DACH1: variants seen among roughly 807,000 people sequenced by gnomAD.
The protein encoded by DACH1 is dachshund family transcription factor 1, also known as dachshund homolog 1.
A neutral mutation model predicts 54.2 loss-of-function variants in DACH1; 12 were observed. The observed-to-expected ratio is 0.22, with a 90% CI of 0.14 to 0.36. The LOEUF (loss-of-function observed/expected upper bound fraction) is 0.36. Ranked by LOEUF, DACH1 falls within the 10% of genes least tolerant of loss-of-function variation. The pLI, the probability that DACH1 is intolerant of heterozygous loss-of-function variation, is 1.00. For missense variants in DACH1, 805 were observed against 929.8 expected (o/e 0.87, Z 1.75); for synonymous variants, 386 against 366.2 (o/e 1.05, Z -0.62).
intron 3 of DACH1, among the ~76,000 whole-genome samples, chr13:71,596,899 T>C (rs977174899): frequency 2.0e-5 from 3 of 152,162 alleles, no homozygotes; most frequent in Non-Finnish European, 2.9e-5. Flanking sequence ...GTTGAAGACT[T>C]GGAGGGGGCA....
At chr13:71,804,418 G>C (rs1887412184) in intron 1 of DACH1, among the ~76,000 whole-genome samples, 1 of 152,164 alleles carries the variant, frequency 6.6e-6, no homozygotes. Flanking sequence ...ACTGCGACCA[G>C]TGTGATTCTG....
intron 1 of DACH1, among the ~76,000 whole-genome samples, chr13:71,793,127 T>G (rs1314708474): frequency 3.9e-5 from 6 of 152,146 alleles, no homozygotes; most frequent in African/African-American, 1.4e-4. Context: ...AACAAAACAC[T>G]GGTTAACTTG....
At position 71,693,148 on chromosome 13, in the gene DACH1, G is replaced by A. The variant is rs148144202; in HGVS notation, c.849-11238C>T. ...GCAATAAGAAGGAAAAAACTACAGC[G>A]AGTGTGCATAAATCTTTATAAAATA... On this transcript the variant is annotated intron_variant, in intron 1 of 10. Transcript: ENST00000613252. Among the ~76,000 whole-genome samples the A allele has an allele frequency of 5.1e-3, 780 of 152,040 alleles. 9 individuals carry two copies. The highest frequency in any genetic ancestry group is 0.017 in the African/African-American group (692 of 41,462).
intron 1 of DACH1, among the ~76,000 whole-genome samples, chr13:71,807,362 C>T (rs766589652): frequency 6.8e-6 from 1 of 147,580 alleles, no homozygotes; most frequent in Admixed American, 6.9e-5. Context: ...CCAGTTCATT[C>T]GCACTTCCCT....
intron 6 of DACH1, among the ~76,000 whole-genome samples, chr13:71,555,351 T>C (rs924367939): frequency 1.4e-5 from 2 of 143,718 alleles, no homozygotes; most frequent in Non-Finnish European, 3.0e-5. Context: ...TTATCTTTTC[T>C]TTTTTTTTTT....
In DACH1 at chr13:71,785,977, T is replaced by A. The variant is rs573234997; in HGVS notation, c.848+79945A>T. 8.5e-5 allele frequency among the ~76,000 whole-genome samples: 13 copies of A among 152,130 alleles called. No individual in the cohort carries two copies. The East Asian group carries it at 2.5e-3, about 29-fold the overall frequency. On this transcript the variant is annotated intron_variant, in intron 1 of 10. Transcript: ENST00000613252. The stretch of plus-strand genomic sequence containing the variant: ...GAGCATACCTTTCAAGGGAGCACCA[T>A]GAGGGGCAGGCATTGGTGGACAACA...
intron 1 of DACH1, among the ~76,000 whole-genome samples, chr13:71,775,145 T>A (rs2138046568): frequency 7.2e-6 from 1 of 139,310 alleles, no homozygotes; most frequent in East Asian, 2.0e-4. Context: ...TTTTTTTTTT[T>A]TTTTTTTTTT....
rs185004832 is a variant in DACH1 at position 71,635,632 on chromosome 13, C to G, written c.965-4915G>C. On this transcript the variant is annotated intron_variant, in intron 2 of 10. Coordinates refer to ENST00000613252, the MANE Select transcript of DACH1 (RefSeq NM_080759.6). ...TGGTGTAAACACTGGCAACCCATAACATTTGCCACACCCTTTTCCTTCCTT... is the reference window on the plus strand; with the variant it reads ...TGGTGTAAACACTGGCAACCCATAAGATTTGCCACACCCTTTTCCTTCCTT... Among the ~76,000 whole-genome samples the G allele has an allele frequency of 5.3e-5, 8 of 152,200 alleles. No homozygotes were observed. In the East Asian group the frequency reaches 1.5e-3, roughly 29 times the overall value.
intron 3 of DACH1, among the ~76,000 whole-genome samples, chr13:71,579,296 A>G (rs542945798): frequency 6.6e-6 from 1 of 152,278 alleles, no homozygotes; most frequent in South Asian, 2.1e-4. Context: ...ATTGCCCTAT[A>G]TACTCCACAA....
At chr13:71,491,227 C>A (rs1229028500) in intron 6 of DACH1, among the ~76,000 whole-genome samples, 1 of 152,114 alleles carries the variant, frequency 6.6e-6, no homozygotes, top group Non-Finnish European at 1.5e-5. Flanking sequence ...AAAACACAAA[C>A]AGAAAGCCTC....
At chr13:71,786,885 G>T (rs1185861319) in intron 1 of DACH1, among the ~76,000 whole-genome samples, 1 of 152,022 alleles carries the variant, frequency 6.6e-6, no homozygotes, top group Non-Finnish European at 1.5e-5. Context: ...AAAAAAATCT[G>T]ATCCTTTTCT....
chr13:71,654,780 A>T (rs1032846369), intron 2 of DACH1, among the ~76,000 whole-genome samples: 1 of 152,218 alleles, frequency 6.6e-6, no homozygotes, highest in African/African-American at 2.4e-5. Context: ...TCTCAAATAC[A>T]TATACAGTGA....
intron 10 of DACH1, among the ~76,000 whole-genome samples, chr13:71,456,666 A>G (rs960033821): frequency 2.6e-5 from 4 of 152,096 alleles, no homozygotes; most frequent in African/African-American, 9.7e-5. Context: ...CTTAAAATCC[A>G]TGGTCATCTA....
intron 6 of DACH1, among the ~76,000 whole-genome samples, chr13:71,499,136 GACAC>G (rs3075798): frequency 1.3e-3 from 187 of 149,300 alleles, no homozygotes; most frequent in African/African-American, 4.1e-3. Flanking sequence ...CACACACGCA[GACAC>G]ACACACACAC....
intron 1 of DACH1, among the ~76,000 whole-genome samples, chr13:71,798,438 C>T (rs1887156013): frequency 6.7e-6 from 1 of 149,390 alleles, no homozygotes; most frequent in South Asian, 2.1e-4. Flanking sequence ...TTCATACACC[C>T]AAACAATATG....
At chr13:71,842,331 C>T (rs1872930478) in intron 1 of DACH1, among the ~76,000 whole-genome samples, 1 of 151,936 alleles carries the variant, frequency 6.6e-6, no homozygotes, top group African/African-American at 2.4e-5. Flanking sequence ...AATCCCAGCA[C>T]TGGGAAGCCA....
chr13:71,730,263 A>G (rs1485681642), intron 1 of DACH1, among the ~76,000 whole-genome samples: 2 of 152,270 alleles, frequency 1.3e-5, no homozygotes, highest in African/African-American at 4.8e-5. Context: ...AACAAGTTCT[A>G]AGAAAGGCAG....
At chr13:71,751,630 ATGAAAAT>A (rs897412932) in intron 1 of DACH1, among the ~76,000 whole-genome samples, 1 of 152,214 alleles carries the variant, frequency 6.6e-6, no homozygotes, top group Non-Finnish European at 1.5e-5. Flanking sequence ...ACTATCTAAA[ATGAAAAT>A]ACATTCTGAA....
intron 10 of DACH1, among the ~76,000 whole-genome samples, chr13:71,441,320 GA>G (rs1357959859): frequency 1.3e-5 from 2 of 151,908 alleles, no homozygotes; most frequent in African/African-American, 4.8e-5. Flanking sequence ...GTGTGAAAAA[GA>G]AAAGGAAATC....
Sources: gnomAD v4.1 joint callset for allele counts (sites outside exome capture counted in the v4.1 genomes callset) on GRCh38, gnomAD v4.1.1 for gene constraint, MANE v1.5 for transcripts, NCBI Gene and HGNC (gene_info 2026-07-23, HGNC 2026-07-21) for gene names.